The following PCDHGA1 variants were observed in gnomAD, a reference collection of about 807,000 sequenced individuals.
PCDHGA1 encodes the protein protocadherin gamma-A1.
Under a neutral mutation model 58.0 loss-of-function variants are expected in PCDHGA1, and 32 were observed. The observed-to-expected ratio is 0.55, with a 90% CI of 0.42 to 0.74. The LOEUF (loss-of-function observed/expected upper bound fraction) is 0.74, where lower values mean the gene tolerates loss of function less well. PCDHGA1 is among the 30% of genes least tolerant of loss of function. The pLI is 0.00. For missense variants in PCDHGA1, 1,205 were observed against 1,182.3 expected, an observed-to-expected ratio of 1.02 and a Z score of -0.28; for synonymous variants, 498 against 501.1, an observed-to-expected ratio of 0.99 and a Z score of 0.08.
At chr5:141,390,146 T>C (rs2092063198) in intron 1 of PCDHGA1, 1 of 1,614,026 alleles carries the variant, frequency 6.2e-7, no homozygotes, top group Non-Finnish European at 8.5e-7. Context: ...ATCTATGTGT[T>C]GCACATACAG....
At chr5:141,357,503 T>C (rs1001739432) in intron 1 of PCDHGA1, 2 of 1,614,126 alleles carry the variant, frequency 1.2e-6, no homozygotes, top group African/African-American at 2.7e-5. Flanking sequence ...AAGAGTCACC[T>C]GATCTTCTCC....
At chr5:141,450,729 C>T (rs370122389) in intron 1 of PCDHGA1, among the ~76,000 whole-genome samples, 3 of 152,048 alleles carry the variant, frequency 2.0e-5, no homozygotes, top group Non-Finnish European at 2.9e-5. Context: ...TCAGGTGATC[C>T]GCCCGCCTTG....
chr5:141,371,840 A>T, intron 1 of PCDHGA1: 1 of 1,613,642 alleles, frequency 6.2e-7, no homozygotes, highest in African/African-American at 1.3e-5. Flanking sequence ...CCGACTTGGG[A>T]CCTAATGGCC....
chr5:141,478,221 C>A, intron 1 of PCDHGA1: 1 of 1,614,122 alleles, frequency 6.2e-7, no homozygotes, highest in Non-Finnish European at 8.5e-7. Context: ...ATCCTGGTTT[C>A]TGTGGGGTTT....
intron 1 of PCDHGA1, among the ~76,000 whole-genome samples, chr5:141,463,489 C>T (rs1190438683): frequency 7.2e-6 from 1 of 138,270 alleles, no homozygotes; most frequent in African/African-American, 2.8e-5. Context: ...CGCTCTGTCA[C>T]CCAGGCTGGA....
At chr5:141,357,570 T>C in intron 1 of PCDHGA1, 1 of 1,614,214 alleles carries the variant, frequency 6.2e-7, no homozygotes, top group Non-Finnish European at 8.5e-7. Flanking sequence ...AAAGCGAGCC[T>C]CTTCTGATAA....
At chr5:141,375,536 G>T in intron 1 of PCDHGA1, 1 of 1,613,972 alleles carries the variant, frequency 6.2e-7, no homozygotes, top group Non-Finnish European at 8.5e-7. Flanking sequence ...GGACCAGAAC[G>T]CCCAAGTCTC....
Position 141,364,896 on chromosome 5 carries a change from A to G in PCDHGA1, c.2421+31791A>G, listed in dbSNP as rs1020955411. The G allele has an allele frequency of 9.3e-6, 15 of 1,613,896 alleles. No individual in the cohort carries two copies. In the African/African-American group the frequency reaches 1.7e-4, roughly 19 times the overall value. The stretch of plus-strand genomic sequence containing the variant: ...GATGTGGTAAGCGGAACTGATGGAC[A>G]AAAGTATCCGGAGCTGGTGTTGGAA... On this transcript the variant is annotated intron_variant, in intron 1 of 3. Coordinates refer to ENST00000517417, the MANE Select transcript of PCDHGA1 (RefSeq NM_018912.3).
At chr5:141,351,694 A>T in intron 1 of PCDHGA1, 1 of 1,613,918 alleles carries the variant, frequency 6.2e-7, no homozygotes, top group African/African-American at 1.3e-5. Context: ...CGGATTTGGG[A>T]CCCAACGGCA....
Position 141,485,244 on chromosome 5 carries a change from T to G in PCDHGA1, c.2422-9563T>G. 5 of 1,614,168 alleles carry G rather than the reference T, an allele frequency of 3.1e-6. No individual in the cohort carries two copies. Among genetic ancestry groups the G allele is most frequent in the Non-Finnish European group, 4.2e-6 (5 of 1,180,006 alleles). On this transcript the variant is annotated intron_variant, in intron 1 of 3. Transcript: ENST00000517417. This position sits in a 1 kb window ranked among gnomAD's most constrained non-coding sequence, Gnocchi z 5.7. Reference sequence around the variant, plus strand: ...ACCCTTTTGTTCCTCTTTTACCACCTGGGTTACGTTTGTGGGCAGATCCGC... The same window carrying G: ...ACCCTTTTGTTCCTCTTTTACCACCGGGGTTACGTTTGTGGGCAGATCCGC...
rs2154555227 is a variant in PCDHGA1, at chr5:141,432,737, C to G, written c.2422-62070C>G. ...GCCCCCTCTCTCCGCCACTGTCACG[C>G]TCACCGTGGCCGTGGCCGACAGCAT... On this transcript the variant is annotated intron_variant, in intron 1 of 3. Coordinates refer to ENST00000517417, the MANE Select transcript of PCDHGA1 (RefSeq NM_018912.3). This position sits in a 1 kb window ranked among gnomAD's most constrained non-coding sequence, Gnocchi z 6.0. 6.2e-7 allele frequency: 1 copy of G among 1,614,110 alleles called. No homozygotes were observed. The highest frequency in any genetic ancestry group is 8.5e-7 in the Non-Finnish European group (1 of 1,180,002).
chr5:141,485,888 G>T lies in PCDHGA1; in HGVS notation c.2422-8919G>T, dbSNP rs1166795987. 3 of 1,614,028 alleles carry T rather than the reference G, an allele frequency of 1.9e-6. No homozygotes were observed. The highest frequency in any genetic ancestry group is 2.5e-6 in the Non-Finnish European group (3 of 1,180,032). ...ATCCGTGCTGGACGTAAACGACAAC[G>T]CCCCAGCCTTCCAGCAATCCAGCTA... On this transcript the variant is annotated intron_variant, in intron 1 of 3. Coordinates refer to ENST00000517417, the MANE Select transcript of PCDHGA1 (RefSeq NM_018912.3). The surrounding 1 kb of genome is among the most constrained non-coding windows in gnomAD (Gnocchi z 5.7).
intron 1 of PCDHGA1, chr5:141,403,960 G>T (rs775638627): frequency 1.9e-6 from 3 of 1,613,776 alleles, no homozygotes; most frequent in South Asian, 2.2e-5. Context: ...TGCTCATTTC[G>T]GTGGAAGATG....
At chr5:141,369,404 T>C (rs1340022164) in intron 1 of PCDHGA1, among the ~76,000 whole-genome samples, 1 of 152,184 alleles carries the variant, frequency 6.6e-6, no homozygotes, top group Non-Finnish European at 1.5e-5. Flanking sequence ...GGGTGGTTCA[T>C]GACTATAATC....
rs745612756 is a variant in PCDHGA1 at position 141,487,150 on chromosome 5, T to C, written c.2422-7657T>C. The C allele has an allele frequency of 1.1e-5, 17 of 1,613,960 alleles. No individual in the cohort carries two copies. In the South Asian group the frequency reaches 1.6e-4, roughly 16 times the overall value. On this transcript the variant is annotated intron_variant, in intron 1 of 3. Transcript: ENST00000517417. This position sits in a 1 kb window ranked among gnomAD's most constrained non-coding sequence, Gnocchi z 5.0. The stretch of plus-strand genomic sequence containing the variant: ...GTAGTCCACCACTCTCTACCTCTGT[T>C]ACTCTCTTAGTGTCCTTAGAGGAAG...
chr5:141,338,036 T>A (rs1475788499), intron 1 of PCDHGA1, among the ~76,000 whole-genome samples: 1 of 152,192 alleles, frequency 6.6e-6, no homozygotes. Context: ...TCAATCCTAC[T>A]TTTTATGATT....
chr5:141,427,494 A>G (rs1220750249), intron 1 of PCDHGA1: 1 of 560,916 alleles, frequency 1.8e-6, no homozygotes, highest in Non-Finnish European at 3.4e-6. Context: ...TAAGCTTGTA[A>G]CAGATGGGAC....
intron 1 of PCDHGA1, chr5:141,384,591 C>T (rs1780246263): frequency 6.2e-7 from 1 of 1,614,114 alleles, no homozygotes; most frequent in South Asian, 1.1e-5. Flanking sequence ...AGATCCTGTA[C>T]CCGGCCCTCC....
chr5:141,351,321 A>G, intron 1 of PCDHGA1: 1 of 1,613,890 alleles, frequency 6.2e-7, no homozygotes, highest in Non-Finnish European at 8.5e-7. Flanking sequence ...CAGATTCCAG[A>G]GGATTCAGAC....
Sources: allele counts gnomAD v4.1 joint callset (sites outside exome capture counted in the v4.1 genomes callset), GRCh38; gene constraint gnomAD v4.1.1; non-coding constraint Gnocchi (gnomAD v3.1); transcripts MANE v1.5; gene names NCBI Gene and HGNC (gene_info 2026-07-23, HGNC 2026-07-21).